PARD3: variants seen among roughly 807,000 people sequenced by gnomAD.
PARD3 encodes par-3 family cell polarity regulator, also known as partitioning defective 3 homolog.
In PARD3, 75 loss-of-function variants were observed where a neutral mutation model predicts 155.4. That is an observed-to-expected ratio of 0.48 (90% CI 0.40 to 0.58). The LOEUF is 0.58. PARD3 is among the 20% of genes least tolerant of loss of function. The pLI, the probability that PARD3 is intolerant of heterozygous loss-of-function variation, is 0.00. For synonymous variants in PARD3, 576 were observed against 610.5 expected (o/e 0.94, Z 0.83); for missense variants, 1,642 against 1,721.7 (o/e 0.95, Z 0.82).
chr10:34,657,990 C>CA (rs763667142), intron 2 of PARD3, among the ~76,000 whole-genome samples: 209 of 151,954 alleles, frequency 1.4e-3, no homozygotes, highest in Non-Finnish European at 2.4e-3. Context: ...ACTGAAAATA[C>CA]AAAAAATTAG....
intron 2 of PARD3, among the ~76,000 whole-genome samples, chr10:34,574,113 C>T (rs190953271): frequency 6.6e-6 from 1 of 151,734 alleles, no homozygotes; most frequent in Admixed American, 6.6e-5. Context: ...TTTCTATTTA[C>T]TTATTATTCA....
intron 22 of PARD3, among the ~76,000 whole-genome samples, chr10:34,180,605 GA>G (rs1333184463): frequency 6.6e-6 from 1 of 152,142 alleles, no homozygotes; most frequent in East Asian, 1.9e-4. Context: ...TACTGTAGTA[GA>G]AACATACATG....
At chr10:34,449,876 T>C (rs2076966404) in intron 5 of PARD3, among the ~76,000 whole-genome samples, 1 of 152,232 alleles carries the variant, frequency 6.6e-6, no homozygotes, top group African/African-American at 2.4e-5. Context: ...TACCGTAATC[T>C]AAATTCTAAA....
At chr10:34,211,165 A>G (rs989419252) in intron 22 of PARD3, among the ~76,000 whole-genome samples, 2 of 152,162 alleles carry the variant, frequency 1.3e-5, no homozygotes, top group Admixed American at 1.3e-4. Context: ...TGGACCCTTC[A>G]TTCTTGCATT....
At chr10:34,600,180 C>CAAA (rs71033321) in intron 2 of PARD3, among the ~76,000 whole-genome samples, 7 of 130,694 alleles carry the variant, frequency 5.4e-5, no homozygotes, top group African/African-American at 1.7e-4. Context: ...ATCAAAAATA[C>CAAA]AAAAAAAAAA....
chr10:34,333,094 G>A (rs1156871591), intron 18 of PARD3, among the ~76,000 whole-genome samples: 1 of 152,008 alleles, frequency 6.6e-6, no homozygotes, highest in Non-Finnish European at 1.5e-5. Context: ...CCATACACAT[G>A]TATTGGGCAA....
chr10:34,434,532 G>A lies in PARD3; in HGVS notation c.714+15785C>T, dbSNP rs145269445. On this transcript the variant is annotated intron_variant, in intron 5 of 24. Coordinates refer to ENST00000374788, the MANE Select transcript of PARD3 (RefSeq NM_001184785.2). ...AGCAGCTGTTAACCACTTCACCCAC[G>A]GTGTTCCTGGGTATGGTCAGAGCCC... is the stretch of plus-strand genomic sequence containing the variant. 1.4e-3 allele frequency among the ~76,000 whole-genome samples: 214 copies of A among 152,270 alleles called. 1 individual carries two copies. Among genetic ancestry groups the A allele is most frequent in the Admixed American group, 3.4e-3 (52 of 15,284 alleles).
At chr10:34,507,179 C>A (rs976874339) in intron 3 of PARD3, among the ~76,000 whole-genome samples, 1 of 152,024 alleles carries the variant, frequency 6.6e-6, no homozygotes, top group Non-Finnish European at 1.5e-5. Context: ...ACCAAAACTA[C>A]GGGAGAATAT....
chr10:34,542,235 G>GTGTGCACA (rs1554889675), intron 2 of PARD3, among the ~76,000 whole-genome samples: 4 of 166 alleles, frequency 0.024, no homozygotes, highest in Admixed American at 0.33. Flanking sequence ...GTGTGTGTGT[G>GTGTGCACA]TGTGCACACA....
chr10:34,336,927 A>G (rs1202507480), intron 17 of PARD3, among the ~76,000 whole-genome samples: 2 of 152,130 alleles, frequency 1.3e-5, no homozygotes, highest in Non-Finnish European at 2.9e-5. Context: ...AAATCCCACA[A>G]CCAACCAAAT....
intron 22 of PARD3, among the ~76,000 whole-genome samples, chr10:34,173,851 C>T (rs1949913442): frequency 6.6e-6 from 1 of 152,124 alleles, no homozygotes; most frequent in Non-Finnish European, 1.5e-5. Context: ...ATGCCCAAGG[C>T]AAATGAAGAA....
At chr10:34,154,270 T>C (rs1948898745) in intron 22 of PARD3, among the ~76,000 whole-genome samples, 1 of 152,136 alleles carries the variant, frequency 6.6e-6, no homozygotes. Context: ...GAGGCTTCCA[T>C]GAAAAAAACT....
At chr10:34,117,127 C>T (rs573735848) in intron 24 of PARD3, among the ~76,000 whole-genome samples, 172 of 152,332 alleles carry the variant, frequency 1.1e-3, no homozygotes, top group Non-Finnish European at 2.0e-3. Flanking sequence ...GCCCGCCCAC[C>T]GCTCTCTCTC....
intron 2 of PARD3, among the ~76,000 whole-genome samples, chr10:34,597,810 G>C (rs2089428047): frequency 6.6e-6 from 1 of 152,116 alleles, no homozygotes. Flanking sequence ...GCTGGGCTGG[G>C]GGCATCACTG....
At chr10:34,227,856 T>TTATATATACATATATATATA (rs1554814036) in intron 22 of PARD3, among the ~76,000 whole-genome samples, 30 of 82,236 alleles carry the variant, frequency 3.6e-4, no homozygotes, top group Non-Finnish European at 4.7e-5. Flanking sequence ...GAATTATTTT[T>TTATATATACATATATATATA]TATATATATA....
At chr10:34,561,824 C>T (rs1180224670) in intron 2 of PARD3, among the ~76,000 whole-genome samples, 20 of 151,428 alleles carry the variant, frequency 1.3e-4, no homozygotes, top group Non-Finnish European at 1.9e-4. Flanking sequence ...GGCCCTGTAA[C>T]GCACATTTAA....
At chr10:34,140,388 C>A (rs544500977) in intron 22 of PARD3, among the ~76,000 whole-genome samples, 1 of 152,320 alleles carries the variant, frequency 6.6e-6, no homozygotes, top group South Asian at 2.1e-4. Context: ...CGTTCTCCCA[C>A]GGTACCTGTT....
chr10:34,515,711 C>A (rs1368220483), intron 3 of PARD3, among the ~76,000 whole-genome samples: 1 of 151,874 alleles, frequency 6.6e-6, no homozygotes, highest in Non-Finnish European at 1.5e-5. Flanking sequence ...AAGCAAATTG[C>A]CAAATTACTA....
intron 3 of PARD3, among the ~76,000 whole-genome samples, chr10:34,484,149 C>A (rs74132026): frequency 1.3e-5 from 2 of 152,098 alleles, no homozygotes; most frequent in Admixed American, 1.3e-4. Flanking sequence ...AATATGAAAA[C>A]CAGAGCAAGA....
Sources: gnomAD v4.1 joint callset for allele counts (sites outside exome capture counted in the v4.1 genomes callset) on GRCh38, gnomAD v4.1.1 for gene constraint, MANE v1.5 for transcripts, NCBI Gene and HGNC (gene_info 2026-07-23, HGNC 2026-07-21) for gene names.